Variants in TBC1D4 observed in about 807,000 individuals in gnomAD.
TBC1D4 encodes TBC1 domain family member 4.
In TBC1D4, 121 loss-of-function variants were observed where a neutral mutation model predicts 142.5. The ratio of observed to expected loss-of-function variants is 0.85; its 90% CI spans 0.73 to 0.99. TBC1D4 has a LOEUF of 0.99. Ranked by LOEUF, TBC1D4 falls within the 50% of genes least tolerant of loss-of-function variation. TBC1D4 has a pLI of 0.00. For missense variants in TBC1D4, 1,475 were observed against 1,606.6 expected, an observed-to-expected ratio of 0.92 and a Z score of 1.40; for synonymous variants, 630 against 628.2, an observed-to-expected ratio of 1.00 and a Z score of -0.04.
chr13:75,314,424 C>A (rs562186818), intron 12 of TBC1D4, among the ~76,000 whole-genome samples: 1 of 152,206 alleles, frequency 6.6e-6, no homozygotes, highest in East Asian at 1.9e-4. Context: ...ATCTGCCTAT[C>A]GTATCTTTAT....
At chr13:75,334,170 C>T (rs1231440442) in intron 8 of TBC1D4, among the ~76,000 whole-genome samples, 2 of 151,888 alleles carry the variant, frequency 1.3e-5, no homozygotes, top group Non-Finnish European at 2.9e-5. Flanking sequence ...AAAATAGTTG[C>T]CTATTTTATG....
At chr13:75,397,553 A>C (rs1308983067) in intron 1 of TBC1D4, among the ~76,000 whole-genome samples, 1 of 152,210 alleles carries the variant, frequency 6.6e-6, no homozygotes. Flanking sequence ...AGAAAAGATA[A>C]GTCAGTCTAC....
chr13:75,311,291 T>C (rs1366087067), intron 13 of TBC1D4, among the ~76,000 whole-genome samples: 3 of 152,306 alleles, frequency 2.0e-5, no homozygotes, highest in East Asian at 3.9e-4. Flanking sequence ...CGTCATTCCT[T>C]CCTTCTAAAG....
intron 11 of TBC1D4, among the ~76,000 whole-genome samples, chr13:75,322,147 T>A (rs189848808): frequency 1.3e-5 from 2 of 152,344 alleles, no homozygotes; most frequent in East Asian, 3.9e-4. Flanking sequence ...TCAATTGGTG[T>A]CCTTTCCTGG....
At chr13:75,435,319 T>G (rs1218835724) in intron 1 of TBC1D4, among the ~76,000 whole-genome samples, 2 of 125,484 alleles carry the variant, frequency 1.6e-5, no homozygotes, top group African/African-American at 8.2e-5. Flanking sequence ...CAGAGGGAGA[T>G]TCTGTCTCAA....
chr13:75,481,202 CCCT>C, intron 1 of TBC1D4, 65 bp downstream of exon 1: 1 of 1,255,750 alleles, frequency 8.0e-7, no homozygotes, highest in Non-Finnish European at 1.1e-6. Context: ...GGGTCCCCGC[CCCT>C]CCCGCCCTGC....
At chr13:75,480,869 A>ACACG (rs1170473301) in intron 1 of TBC1D4, among the ~76,000 whole-genome samples, 16 of 113,284 alleles carry the variant, frequency 1.4e-4, no homozygotes, top group African/African-American at 3.9e-4. Context: ...GCTCGCGCGC[A>ACACG]CACGCACGCA....
intron 7 of TBC1D4, among the ~76,000 whole-genome samples, chr13:75,337,953 G>T (rs919741700): frequency 2.0e-5 from 3 of 152,150 alleles, no homozygotes; most frequent in Non-Finnish European, 4.4e-5. Flanking sequence ...CTGCCTAATA[G>T]AAGGGAGCAG....
intron 11 of TBC1D4, among the ~76,000 whole-genome samples, chr13:75,322,259 T>C (rs367902669): frequency 2.6e-5 from 4 of 152,230 alleles, no homozygotes; most frequent in East Asian, 1.9e-4. Flanking sequence ...ATTTTTAGAA[T>C]TGCACATAGC....
At chr13:75,434,894 T>C (rs539595184) in intron 1 of TBC1D4, among the ~76,000 whole-genome samples, 4 of 150,536 alleles carry the variant, frequency 2.7e-5, no homozygotes, top group Non-Finnish European at 5.9e-5. Context: ...ATGACTGTAA[T>C]CCCAGCACTT....
rs757338666 is a variant in TBC1D4 at position 75,306,419 on chromosome 13, A to G, written c.2646T>C (p.Val882=). 1 of 1,613,506 alleles carries G rather than the reference A, an allele frequency of 6.2e-7. No individual in the cohort carries two copies. The highest frequency in any genetic ancestry group is 8.5e-7 in the Non-Finnish European group (1 of 1,179,894). ...TTAAGACCTCTTTCTGACATGCACC[A>G]ACTTCTTCATAGTCTAATTTAACTT... The part of the protein sequence containing the change: ...SRKVKLDYEE[V]GACQKEVLIT... The change falls in exon 15 of 21, where the codon GTT becomes GTC. Residue 882 remains valine, a synonymous_variant. Transcript: ENST00000377636.
intron 1 of TBC1D4, among the ~76,000 whole-genome samples, chr13:75,421,514 C>A (rs1886168291): frequency 6.6e-6 from 1 of 152,168 alleles, no homozygotes; most frequent in South Asian, 2.1e-4. Context: ...TTTATACATG[C>A]TTTCCTGTTA....
At chr13:75,382,998 G>A (rs1883939381) in intron 1 of TBC1D4, among the ~76,000 whole-genome samples, 1 of 152,162 alleles carries the variant, frequency 6.6e-6, no homozygotes, top group Admixed American at 6.5e-5. Context: ...TACCCTTTAA[G>A]GGCAAGTTAA....
At chr13:75,357,778 A>C (rs1276809900) in intron 3 of TBC1D4, among the ~76,000 whole-genome samples, 2 of 152,326 alleles carry the variant, frequency 1.3e-5, no homozygotes, top group Non-Finnish European at 2.9e-5. Context: ...GAAGGATGTA[A>C]TAAGAGCAGA....
At chr13:75,359,091 A>T (rs1882293823) in intron 3 of TBC1D4, among the ~76,000 whole-genome samples, 1 of 152,176 alleles carries the variant, frequency 6.6e-6, no homozygotes, top group Non-Finnish European at 1.5e-5. Flanking sequence ...GCAGAAAAGA[A>T]GTGAATTCTC....
At chr13:75,357,674 C>T (rs188301205) in intron 3 of TBC1D4, among the ~76,000 whole-genome samples, 4 of 152,228 alleles carry the variant, frequency 2.6e-5, no homozygotes, top group South Asian at 2.1e-4. Flanking sequence ...GCAAACAGTC[C>T]GACAGATTTT....
At chr13:75,365,332 G>GTT (rs72296888) in intron 1 of TBC1D4, among the ~76,000 whole-genome samples, 48 of 137,714 alleles carry the variant, frequency 3.5e-4, no homozygotes, top group South Asian at 9.3e-4. Context: ...CAACAGCTCT[G>GTT]TTTTTTTTTT....
intron 1 of TBC1D4, among the ~76,000 whole-genome samples, chr13:75,438,561 A>C (rs1263661101): frequency 6.6e-6 from 1 of 152,218 alleles, no homozygotes; most frequent in Non-Finnish European, 1.5e-5. Flanking sequence ...GTTCTATAAC[A>C]ATGATAGATC....
In TBC1D4 at chr13:75,336,962, T is replaced by A. The variant is rs1566394441; in HGVS notation, c.1690A>T (p.Lys564Ter). 6.2e-7 allele frequency: 1 copy of A among 1,613,702 alleles called. No homozygotes were observed. The highest frequency in any genetic ancestry group is 8.5e-7 in the Non-Finnish European group (1 of 1,179,792). ...TCCAGGGAGCTAGTTAAGGATCTCT[T>A]AGCTTTATTTTTCAGAATGTCAAGT... ...FKLDILKNKA[K>*]RSLTSSLENI... Residue 564 changes from lysine (K) to a stop codon, truncating the protein, a stop_gained, in exon 8 of 21, where the codon AAG (lysine) becomes TAG (stop). Coordinates refer to ENST00000377636, the MANE Select transcript of TBC1D4 (RefSeq NM_014832.5). LOFTEE classifies it high-confidence loss of function.
Sources: gnomAD v4.1 joint callset for allele counts (sites outside exome capture counted in the v4.1 genomes callset) on GRCh38, gnomAD v4.1.1 for gene constraint, MANE v1.5 for transcripts, NCBI Gene and HGNC (gene_info 2026-07-23, HGNC 2026-07-21) for gene names.